The following CORO2B variants were observed in gnomAD, a reference collection of about 807,000 sequenced individuals.
CORO2B encodes coronin 2B.
In CORO2B, 26 loss-of-function variants were observed where a neutral mutation model predicts 58.8. The observed-to-expected ratio is 0.44, with a 90% CI of 0.32 to 0.61. CORO2B has a LOEUF of 0.61. Ranked by LOEUF, CORO2B falls within the 20% of genes least tolerant of loss-of-function variation. The pLI is 0.04. For missense variants in CORO2B, 460 were observed against 645.1 expected (o/e 0.71, Z 3.11); for synonymous variants, 242 against 253.8 (o/e 0.95, Z 0.44).
intron 2 of CORO2B, among the ~76,000 whole-genome samples, chr15:68,675,790 C>T (rs570579264): frequency 6.6e-6 from 1 of 152,236 alleles, no homozygotes; most frequent in South Asian, 2.1e-4. Context: ...AGAATTTATT[C>T]ACTTAACAAA....
At chr15:68,703,879 C>T (rs1892717885) in intron 3 of CORO2B, among the ~76,000 whole-genome samples, 2 of 151,874 alleles carry the variant, frequency 1.3e-5, no homozygotes, top group African/African-American at 2.4e-5. Flanking sequence ...GACTACACAG[C>T]GGGCAACAAA....
At chr15:68,637,112 C>T (rs1292987467) in intron 1 of CORO2B, among the ~76,000 whole-genome samples, 1 of 152,242 alleles carries the variant, frequency 6.6e-6, no homozygotes, top group East Asian at 1.9e-4. Context: ...GCCTTCACGA[C>T]ACACTCCTCA....
At chr15:68,623,253 G>T (rs1295863936) in intron 1 of CORO2B, among the ~76,000 whole-genome samples, 1 of 152,212 alleles carries the variant, frequency 6.6e-6, no homozygotes, top group Non-Finnish European at 1.5e-5. Flanking sequence ...CGAGGAACCG[G>T]CCCGGCTCTT....
chr15:68,686,385 A>G (rs139587326), intron 2 of CORO2B, among the ~76,000 whole-genome samples: 32 of 152,166 alleles, frequency 2.1e-4, no homozygotes, highest in African/African-American at 6.5e-4. Context: ...TTGGTGTCTC[A>G]TCTACATCCT....
At chr15:68,524,015 C>A in the CORO2B span, among the ~76,000 whole-genome samples, 25,978 of 151,986 alleles carry the variant, frequency 0.17, 2,358 homozygotes, top group Middle Eastern at 0.21. Flanking sequence ...TGCTTGAGCC[C>A]AGGAGTTCAA....
intron 1 of CORO2B, among the ~76,000 whole-genome samples, chr15:68,586,370 G>A (rs1398710960): frequency 2.0e-5 from 3 of 152,128 alleles, no homozygotes; most frequent in African/African-American, 7.2e-5. Context: ...AGAGGGATGA[G>A]GAAGTGACTT....
At chr15:68,566,987 A>C in the CORO2B span, among the ~76,000 whole-genome samples, 967 of 152,258 alleles carry the variant, frequency 6.4e-3, 8 homozygotes, top group African/African-American at 0.022. Context: ...CCACTCTCCC[A>C]CTTGGGTCTG....
intron 8 of CORO2B, among the ~76,000 whole-genome samples, chr15:68,716,316 G>A (rs1304518621): frequency 6.6e-6 from 1 of 152,202 alleles, no homozygotes; most frequent in Admixed American, 6.5e-5. Context: ...TTCCTCATCT[G>A]TAAAATGTGG....
At chr15:68,565,324 T>A in the CORO2B span, among the ~76,000 whole-genome samples, 3 of 138,672 alleles carry the variant, frequency 2.2e-5, no homozygotes, top group Admixed American at 7.4e-5. Flanking sequence ...TTTAAAAAAA[T>A]TTTTATTGGC....
chr15:68,523,283 C>G, the CORO2B span, among the ~76,000 whole-genome samples: 1 of 152,078 alleles, frequency 6.6e-6, no homozygotes, highest in Non-Finnish European at 1.5e-5. Flanking sequence ...CAGCCTCAAC[C>G]TCCCAGGCTC....
intron 1 of CORO2B, among the ~76,000 whole-genome samples, chr15:68,602,736 A>G (rs1351675688): frequency 6.6e-6 from 1 of 152,142 alleles, no homozygotes; most frequent in Admixed American, 6.5e-5. Flanking sequence ...AGTTCTCTAC[A>G]TCAGTGAAGG....
At chr15:68,684,606 A>G (rs1433420279) in intron 2 of CORO2B, among the ~76,000 whole-genome samples, 1 of 152,262 alleles carries the variant, frequency 6.6e-6, no homozygotes, top group Non-Finnish European at 1.5e-5. Flanking sequence ...GATGAAGGAC[A>G]TCCATGTTTA....
the CORO2B span, among the ~76,000 whole-genome samples, chr15:68,524,834 ATTAC>A: frequency 1.3e-5 from 2 of 152,194 alleles, no homozygotes; most frequent in Admixed American, 6.5e-5. Context: ...ATGCTCTGGT[ATTAC>A]TTGCCGAATT....
chr15:68,592,436 T>C (rs1595956252), intron 1 of CORO2B, among the ~76,000 whole-genome samples: 1 of 152,194 alleles, frequency 6.6e-6, no homozygotes, highest in Middle Eastern at 3.4e-3. Context: ...GGGATAGGGG[T>C]AGAGTATTAA....
chr15:68,603,375 C>A (rs543499504), intron 1 of CORO2B, among the ~76,000 whole-genome samples: 3 of 152,138 alleles, frequency 2.0e-5, no homozygotes, highest in Non-Finnish European at 4.4e-5. Context: ...AAAAAACACA[C>A]TTGCTAATCA....
chr15:68,592,988 C>CT (rs1899742005), intron 1 of CORO2B, among the ~76,000 whole-genome samples: 2 of 152,200 alleles, frequency 1.3e-5, no homozygotes, highest in Admixed American at 6.5e-5. Flanking sequence ...GTTCTAGAGA[C>CT]TAAGAAGTCC....
At chr15:68,701,004 G>A (rs1451990839) in intron 3 of CORO2B, among the ~76,000 whole-genome samples, 1 of 152,146 alleles carries the variant, frequency 6.6e-6, no homozygotes, top group South Asian at 2.1e-4. Context: ...CTGGGGGCGG[G>A]ATGGACAGGA....
chr15:68,556,766 CTG>C, the CORO2B span, among the ~76,000 whole-genome samples: 2 of 152,226 alleles, frequency 1.3e-5, no homozygotes, highest in African/African-American at 4.8e-5. Flanking sequence ...TGACTCGTGA[CTG>C]TGGCTGCCGA....
At chr15:68,601,567 C>T (rs1321416322) in intron 1 of CORO2B, among the ~76,000 whole-genome samples, 1 of 152,162 alleles carries the variant, frequency 6.6e-6, no homozygotes, top group African/African-American at 2.4e-5. Context: ...AGCAGCCACA[C>T]AGTGTCGGGG....
Sources: gnomAD v4.1 joint callset for allele counts (sites outside exome capture counted in the v4.1 genomes callset) on GRCh38, gnomAD v4.1.1 for gene constraint, MANE v1.5 for transcripts, NCBI Gene and HGNC (gene_info 2026-07-23, HGNC 2026-07-21) for gene names.